The following SAXO1 variants were observed in gnomAD, a reference collection of about 807,000 sequenced individuals.
The protein encoded by SAXO1 is stabilizer of axonemal microtubules 1.
Under a neutral mutation model 17.5 loss-of-function variants are expected in SAXO1, and 21 were observed. The observed-to-expected ratio is 1.20, with a 90% CI of 0.85 to 1.72. The LOEUF (loss-of-function observed/expected upper bound fraction) is 1.72, where lower values mean the gene tolerates loss of function less well. SAXO1 is among the 40% of genes most tolerant of loss of function. SAXO1 has a pLI of 0.00. For missense variants in SAXO1, 843 were observed against 596.0 expected (o/e 1.41, Z -4.32); for synonymous variants, 274 against 216.5 (o/e 1.27, Z -2.33).
At chr9:19,043,197 T>C (rs528173113) in intron 1 of SAXO1, among the ~76,000 whole-genome samples, 8 of 152,004 alleles carry the variant, frequency 5.3e-5, no homozygotes, top group African/African-American at 1.9e-4. Context: ...GTGGTACATA[T>C]ACACTATTCA....
intron 1 of SAXO1, among the ~76,000 whole-genome samples, chr9:19,029,886 A>G (rs1488058790): frequency 6.6e-6 from 1 of 152,258 alleles, no homozygotes; most frequent in Non-Finnish European, 1.5e-5. Flanking sequence ...GACCTTGACA[A>G]ACAAAAAACG....
intron 3 of SAXO1, among the ~76,000 whole-genome samples, chr9:18,937,159 C>T (rs1259735939): frequency 1.3e-5 from 2 of 152,214 alleles, no homozygotes; most frequent in African/African-American, 4.8e-5. Flanking sequence ...AGGGGTGATA[C>T]ACCAAGAGAT....
At chr9:19,042,603 C>A (rs1204092956) in intron 1 of SAXO1, among the ~76,000 whole-genome samples, 1 of 152,214 alleles carries the variant, frequency 6.6e-6, no homozygotes, top group African/African-American at 2.4e-5. Flanking sequence ...TGGCTCACAC[C>A]TGTAATCCCA....
At chr9:18,948,030 G>A (rs1287255385) in intron 2 of SAXO1, among the ~76,000 whole-genome samples, 1 of 152,244 alleles carries the variant, frequency 6.6e-6, no homozygotes, top group Non-Finnish European at 1.5e-5. Context: ...AGATAAAGAA[G>A]TGGGTGGGAT....
chr9:18,949,900 C>T (rs1831960641), intron 2 of SAXO1, among the ~76,000 whole-genome samples: 2 of 152,216 alleles, frequency 1.3e-5, no homozygotes. Context: ...AGCAACCCTG[C>T]CCTTTAGGGA....
chr9:18,956,591 C>G (rs1444030234), intron 1 of SAXO1, among the ~76,000 whole-genome samples: 2 of 152,126 alleles, frequency 1.3e-5, no homozygotes, highest in African/African-American at 4.8e-5. Flanking sequence ...GGTTCCAATC[C>G]TAGCTCTGCC....
rs1832418643 is a variant in SAXO1 at position 18,959,992 on chromosome 9, A to G, written c.39-9055T>C. Among the ~76,000 whole-genome samples, 2 of 152,166 alleles carry G rather than the reference A, an allele frequency of 1.3e-5. 1 individual carries two copies. Among genetic ancestry groups the G allele is most frequent in the South Asian group, 4.1e-4 (2 of 4,830 alleles). ...TGAGAGAAGCCCTGTTGGAATGGGC[A>G]GGCAGGCATCAGGCTGAGTGGGCAC... On this transcript the variant is annotated intron_variant, in intron 1 of 3. Transcript: ENST00000380534.
intron 1 of SAXO1, among the ~76,000 whole-genome samples, chr9:19,030,340 G>C (rs1835702001): frequency 6.6e-6 from 1 of 152,114 alleles, no homozygotes; most frequent in Non-Finnish European, 1.5e-5. Context: ...GAACCAGGGA[G>C]GTTGTAACCG....
At chr9:18,977,723 G>A (rs1327983382) in intron 1 of SAXO1, among the ~76,000 whole-genome samples, 1 of 152,096 alleles carries the variant, frequency 6.6e-6, no homozygotes, top group African/African-American at 2.4e-5. Flanking sequence ...GCCAGGCGTG[G>A]TGGCTCACGG....
chr9:19,022,094 T>C (rs1284529166), intron 1 of SAXO1, among the ~76,000 whole-genome samples: 1 of 152,244 alleles, frequency 6.6e-6, no homozygotes, highest in African/African-American at 2.4e-5. Flanking sequence ...TAACACTCAG[T>C]GTGAGTTTCT....
intron 1 of SAXO1, among the ~76,000 whole-genome samples, chr9:19,047,402 A>G (rs1167117773): frequency 6.6e-6 from 1 of 152,206 alleles, no homozygotes; most frequent in Non-Finnish European, 1.5e-5. Context: ...GAGACTCCGT[A>G]AAATGTGATA....
intron 1 of SAXO1, among the ~76,000 whole-genome samples, chr9:19,002,711 T>G (rs914584431): frequency 1.2e-4 from 19 of 152,134 alleles, no homozygotes; most frequent in Non-Finnish European, 2.5e-4. Context: ...TGCTAAAAAC[T>G]CTCAATAAAC....
At chr9:18,930,795 G>A (rs1039734085) in intron 3 of SAXO1, among the ~76,000 whole-genome samples, 10 of 152,278 alleles carry the variant, frequency 6.6e-5, no homozygotes, top group East Asian at 1.9e-4. Context: ...CACCACGCCC[G>A]GCCTACTGCT....
intron 1 of SAXO1, among the ~76,000 whole-genome samples, chr9:18,964,953 G>T (rs1832654353): frequency 6.6e-6 from 1 of 152,136 alleles, no homozygotes; most frequent in Non-Finnish European, 1.5e-5. Flanking sequence ...CTGGTGCATT[G>T]TCTCTTTGTT....
At chr9:18,962,357 C>A in intron 1 of SAXO1, among the ~76,000 whole-genome samples, 1 of 152,168 alleles carries the variant, frequency 6.6e-6, no homozygotes. Flanking sequence ...CATGAGCCAC[C>A]GCACCCGGCT....
chr9:19,018,743 A>G (rs576987807), intron 1 of SAXO1, among the ~76,000 whole-genome samples: 1 of 152,344 alleles, frequency 6.6e-6, no homozygotes, highest in South Asian at 2.1e-4. Context: ...AGGCAGATTC[A>G]GTAGGAGCAG....
rs753019532 is a variant in SAXO1, at chr9:18,928,922, G to A, written c.555C>T (p.Thr185=). 2 of 1,614,154 alleles carry A rather than the reference G, an allele frequency of 1.2e-6. No individual in the cohort carries two copies. Among genetic ancestry groups the A allele is most frequent in the Non-Finnish European group, 1.7e-6 (2 of 1,180,030 alleles). ...DDYPIKGLVK[T]ISCKPLAMPK... is the part of the protein sequence containing the mutation. ...GCATGGCCAGAGGTTTACAGCTTAT[G>A]GTCTTCACAAGGCCTTTTATGGGGT... The change falls in exon 4 of 4, where the codon ACC becomes ACT. Residue 185 remains threonine, a synonymous_variant. Coordinates refer to ENST00000380534, the MANE Select transcript of SAXO1 (RefSeq NM_153707.4).
rs138472470 is a variant in SAXO1 at position 18,995,581 on chromosome 9, G to C, written c.38+37290C>G. The stretch of plus-strand genomic sequence containing the variant: ...TTTTTTAAGCCTTACTCCTGTTTAT[G>C]ATTCCTAAACCTGGCTGCATCCCAG... On this transcript the variant is annotated intron_variant, in intron 1 of 3. Transcript: ENST00000380534. 6.4e-3 allele frequency among the ~76,000 whole-genome samples: 977 copies of C among 152,272 alleles called. 5 individuals carry two copies. Among genetic ancestry groups the C allele is most frequent in the Middle Eastern group, 0.031 (9 of 294 alleles).
chr9:19,022,952 TG>T (rs1345011756), intron 1 of SAXO1, among the ~76,000 whole-genome samples: 2 of 152,172 alleles, frequency 1.3e-5, no homozygotes, highest in Non-Finnish European at 2.9e-5. Context: ...AGTTCAAAAC[TG>T]AACAGCAACT....
Sources: gnomAD v4.1 joint callset for allele counts (sites outside exome capture counted in the v4.1 genomes callset) on GRCh38, gnomAD v4.1.1 for gene constraint, MANE v1.5 for transcripts, NCBI Gene and HGNC (gene_info 2026-07-23, HGNC 2026-07-21) for gene names.